The following NCAM2 variants were observed in gnomAD, a reference collection of about 807,000 sequenced individuals.
NCAM2 encodes N-CAM-2.
Under a neutral mutation model 98.1 loss-of-function variants are expected in NCAM2, and 30 were observed. The ratio of observed to expected loss-of-function variants is 0.31; its 90% confidence interval spans 0.23 to 0.41. The LOEUF (loss-of-function observed/expected upper bound fraction) is 0.41. Among genes scored for constraint, NCAM2 ranks in the 10% least tolerant of loss-of-function variants. The pLI is 1.00. For synonymous variants in NCAM2, 368 were observed against 342.4 expected, an observed-to-expected ratio of 1.07 and a Z score of -0.83; for missense variants, 867 against 1,005.8, an observed-to-expected ratio of 0.86 and a Z score of 1.87.
chr21:21,165,205 C>G (rs1331868003), intron 1 of NCAM2, among the ~76,000 whole-genome samples: 2 of 152,114 alleles, frequency 1.3e-5, no homozygotes, highest in East Asian at 3.9e-4. Flanking sequence ...GTGTCTCTTT[C>G]CAGTGTAATG....
At chr21:21,296,414 G>A (rs529667324) in intron 5 of NCAM2, among the ~76,000 whole-genome samples, 27 of 144,874 alleles carry the variant, frequency 1.9e-4, no homozygotes, top group African/African-American at 6.0e-4. Context: ...AAACAAACAA[G>A]AGCATAAGTT....
chr21:21,276,398 G>A (rs1316925982), intron 1 of NCAM2, among the ~76,000 whole-genome samples: 1 of 151,902 alleles, frequency 6.6e-6, no homozygotes, highest in African/African-American at 2.4e-5. Flanking sequence ...GCACTTCTTT[G>A]GGAATTATTC....
chr21:21,049,436 T>A (rs892094973), intron 1 of NCAM2, among the ~76,000 whole-genome samples: 1 of 150,078 alleles, frequency 6.7e-6, no homozygotes, highest in Non-Finnish European at 1.5e-5. Context: ...TTTAATAGAT[T>A]CAATAATTGA....
At chr21:21,118,855 T>G (rs2066615916) in intron 1 of NCAM2, among the ~76,000 whole-genome samples, 1 of 152,012 alleles carries the variant, frequency 6.6e-6, no homozygotes, top group African/African-American at 2.4e-5. Context: ...AACCTCCCTC[T>G]CCCCAGTGTT....
intron 1 of NCAM2, among the ~76,000 whole-genome samples, chr21:21,098,331 C>T (rs1341006501): frequency 6.6e-6 from 1 of 151,658 alleles, no homozygotes; most frequent in Non-Finnish European, 1.5e-5. Context: ...GTCACTGTAT[C>T]TCTCAACTGT....
chr21:21,082,281 C>CAAAAAAA (rs11384165), intron 1 of NCAM2, among the ~76,000 whole-genome samples: 11 of 127,804 alleles, frequency 8.6e-5, no homozygotes, highest in East Asian at 4.5e-4. Context: ...GAGCTCAAAA[C>CAAAAAAA]AAAAAAAAAA....
intron 1 of NCAM2, among the ~76,000 whole-genome samples, chr21:21,205,382 G>C (rs1213829328): frequency 6.6e-6 from 1 of 152,132 alleles, no homozygotes; most frequent in African/African-American, 2.4e-5. Flanking sequence ...AGTGGAATCA[G>C]AATCTGATGG....
chr21:21,147,987 G>A (rs888451472), intron 1 of NCAM2, among the ~76,000 whole-genome samples: 1 of 152,070 alleles, frequency 6.6e-6, no homozygotes, highest in East Asian at 1.9e-4. Flanking sequence ...AGAACCGGGG[G>A]CACTGAGGGC....
chr21:21,005,903 A>G (rs2064104308), intron 1 of NCAM2, among the ~76,000 whole-genome samples: 2 of 152,210 alleles, frequency 1.3e-5, no homozygotes, highest in East Asian at 3.9e-4. Context: ...CAAGGGAGGA[A>G]AAAAAGAACT....
At chr21:21,439,022 G>T (rs544691997) in intron 12 of NCAM2, among the ~76,000 whole-genome samples, 1 of 152,126 alleles carries the variant, frequency 6.6e-6, no homozygotes, top group African/African-American at 2.4e-5. Context: ...AGAGTTTAAG[G>T]CTGCAGAGAA....
chr21:21,188,305 T>C (rs2068705918), intron 1 of NCAM2, among the ~76,000 whole-genome samples: 2 of 152,130 alleles, frequency 1.3e-5, no homozygotes, highest in Non-Finnish European at 2.9e-5. Context: ...ACTTACAAAT[T>C]TTTGCCAATT....
At position 21,154,796 on chromosome 21, in the gene NCAM2, A is replaced by G. The variant is rs191910917; in HGVS notation, c.56-125782A>G. 4.9e-4 allele frequency among the ~76,000 whole-genome samples: 74 copies of G among 151,990 alleles called. No individual in the cohort carries two copies. The East Asian group carries it at 8.3e-3, about 17-fold the overall frequency. On this transcript the variant is annotated intron_variant, in intron 1 of 17. Coordinates refer to ENST00000400546, the MANE Select transcript of NCAM2 (RefSeq NM_004540.5). ...TGAGTTACAAATTGTCTTAAATACCATTAGAATAGGGTATAAAAATAGAAG... is the reference window on the plus strand; with the variant it reads ...TGAGTTACAAATTGTCTTAAATACCGTTAGAATAGGGTATAAAAATAGAAG...
At chr21:21,051,850 T>G (rs8134166) in intron 1 of NCAM2, among the ~76,000 whole-genome samples, 1 of 152,042 alleles carries the variant, frequency 6.6e-6, no homozygotes, top group African/African-American at 2.4e-5. Flanking sequence ...TCTCTGTAAC[T>G]GATATTTCTG....
At chr21:21,365,817 G>T (rs771892944) in intron 8 of NCAM2, among the ~76,000 whole-genome samples, 8 of 152,112 alleles carry the variant, frequency 5.3e-5, no homozygotes, top group Non-Finnish European at 2.9e-5. Context: ...AGTGGATACT[G>T]CAGAAAATGA....
chr21:21,402,801 A>G (rs1338859816), intron 9 of NCAM2, among the ~76,000 whole-genome samples: 1 of 152,132 alleles, frequency 6.6e-6, no homozygotes, highest in Non-Finnish European at 1.5e-5. Context: ...GGGAAAATAT[A>G]AAGAACCTAC....
chr21:21,268,098 G>C (rs974470804), intron 1 of NCAM2, among the ~76,000 whole-genome samples: 24 of 152,202 alleles, frequency 1.6e-4, no homozygotes, highest in Admixed American at 5.2e-4. Context: ...AGAAATTCCT[G>C]GTGAATATGT....
chr21:21,268,758 G>A (rs2072387152), intron 1 of NCAM2, among the ~76,000 whole-genome samples: 1 of 152,124 alleles, frequency 6.6e-6, no homozygotes, highest in Non-Finnish European at 1.5e-5. Flanking sequence ...AATCCCCCAA[G>A]CTTAGCTTTT....
intron 1 of NCAM2, among the ~76,000 whole-genome samples, chr21:21,260,961 C>T (rs2071874200): frequency 1.3e-5 from 2 of 152,016 alleles, no homozygotes; most frequent in Admixed American, 1.3e-4. Context: ...CTTCAAGAGA[C>T]CTGTCTCATG....
At chr21:21,264,214 C>G (rs145719785) in intron 1 of NCAM2, among the ~76,000 whole-genome samples, 86 of 152,122 alleles carry the variant, frequency 5.7e-4, no homozygotes, top group African/African-American at 1.9e-3. Context: ...TAAAAGAAGA[C>G]ATACAAGTGG....
Sources: gnomAD v4.1 joint callset for allele counts (sites outside exome capture counted in the v4.1 genomes callset) on GRCh38, gnomAD v4.1.1 for gene constraint, MANE v1.5 for transcripts, NCBI Gene and HGNC (gene_info 2026-07-23, HGNC 2026-07-21) for gene names.